The following TRAPPC9 variants were observed in gnomAD, a reference collection of about 807,000 sequenced individuals.
TRAPPC9 encodes trafficking protein particle complex subunit 9.
Under a neutral mutation model 124.0 loss-of-function variants are expected in TRAPPC9, and 83 were observed. The ratio of observed to expected loss-of-function variants is 0.67; its 90% CI spans 0.56 to 0.80. The LOEUF (loss-of-function observed/expected upper bound fraction) is 0.80, where lower values mean the gene tolerates loss of function less well. Ranked by LOEUF, TRAPPC9 falls within the 30% of genes least tolerant of loss-of-function variation. The pLI is 0.00. For missense variants in TRAPPC9, 1,302 were observed against 1,508.3 expected, an observed-to-expected ratio of 0.86 and a Z score of 2.27; for synonymous variants, 638 against 617.5, an observed-to-expected ratio of 1.03 and a Z score of -0.49.
intron 16 of TRAPPC9, among the ~76,000 whole-genome samples, chr8:140,245,096 G>A (rs994724476): frequency 3.3e-5 from 5 of 152,022 alleles, no homozygotes; most frequent in Non-Finnish European, 5.9e-5. Context: ...GAGCCACCGC[G>A]CCTGGCCTCT....
rs1442951948 is a variant in TRAPPC9, at chr8:140,257,797, G to A, written c.2279-4868C>T. Among the ~76,000 whole-genome samples, 1 of 152,070 alleles carries A rather than the reference G, an allele frequency of 6.6e-6. No homozygotes were observed. Among genetic ancestry groups the A allele is most frequent in the Non-Finnish European group, 1.5e-5 (1 of 68,028 alleles). The stretch of plus-strand genomic sequence containing the variant: ...TTGTTCTTAGGCTGGAAGCCCTCCC[G>A]CCATGCCTGCAAACACCTGCACATG... On this transcript the variant is annotated intron_variant, in intron 15 of 22. Coordinates refer to ENST00000438773, the MANE Select transcript of TRAPPC9 (RefSeq NM_001160372.4). The surrounding 1 kb of genome is among the most constrained non-coding windows in gnomAD (Gnocchi z 4.6).
intron 21 of TRAPPC9, among the ~76,000 whole-genome samples, chr8:139,803,068 C>T (rs1823660043): frequency 6.7e-6 from 1 of 150,242 alleles, no homozygotes; most frequent in African/African-American, 2.5e-5. Context: ...CGTCGTGTGA[C>T]TGTGCTGCGT....
chr8:139,930,765 G>A (rs998372727), intron 19 of TRAPPC9, among the ~76,000 whole-genome samples: 1 of 152,118 alleles, frequency 6.6e-6, no homozygotes, highest in South Asian at 2.1e-4. Context: ...TCATTCCACC[G>A]CTGTCTCATA....
intron 17 of TRAPPC9, among the ~76,000 whole-genome samples, chr8:140,034,688 C>T (rs756734659): frequency 9.2e-5 from 14 of 152,256 alleles, no homozygotes; most frequent in Non-Finnish European, 1.3e-4. Flanking sequence ...TCATACTGTG[C>T]TCCAGGCACT....
chr8:139,784,642 TATAA>T (rs1313760806), intron 21 of TRAPPC9, among the ~76,000 whole-genome samples: 3 of 132,138 alleles, frequency 2.3e-5, no homozygotes, highest in African/African-American at 5.7e-5. Flanking sequence ...TATATATATA[TATAA>T]ATCAACTGCA....
intron 21 of TRAPPC9, among the ~76,000 whole-genome samples, chr8:139,746,225 G>A (rs751358903): frequency 2.0e-5 from 3 of 152,236 alleles, no homozygotes; most frequent in Non-Finnish European, 4.4e-5. Context: ...ACTCGACCTC[G>A]AGAAGGTTCT....
chr8:140,023,741 C>T (rs538377412), intron 18 of TRAPPC9, among the ~76,000 whole-genome samples, 196 bp downstream of exon 18: 3 of 152,306 alleles, frequency 2.0e-5, no homozygotes, highest in South Asian at 2.1e-4. Context: ...CATTCACTTA[C>T]GACCACCTGA....
intron 21 of TRAPPC9, among the ~76,000 whole-genome samples, chr8:139,814,182 C>T (rs530716552): frequency 6.6e-5 from 10 of 152,316 alleles, no homozygotes; most frequent in South Asian, 4.1e-4. Flanking sequence ...GCGAGGCAGG[C>T]GGTGGGCGGC....
intron 21 of TRAPPC9, among the ~76,000 whole-genome samples, chr8:139,797,078 G>A (rs1037765588): frequency 3.3e-5 from 5 of 152,108 alleles, no homozygotes; most frequent in Non-Finnish European, 4.4e-5. Context: ...GTCCTTGCCC[G>A]TTTTTAAATT....
In TRAPPC9 at chr8:140,139,955, T is replaced by G. The variant is rs189222250; in HGVS notation, c.2556+81504A>C. Among the ~76,000 whole-genome samples the G allele has an allele frequency of 4.1e-4, 63 of 152,326 alleles. 1 individual carries two copies. Among genetic ancestry groups the G allele is most frequent in the African/African-American group, 1.5e-3 (62 of 41,586 alleles). The stretch of plus-strand genomic sequence containing the variant: ...TTTATGCTTTAATTCAATAAAAAGT[T>G]CATTCTTAAACAAACAGCTACCATT... On this transcript the variant is annotated intron_variant, in intron 17 of 22. Transcript: ENST00000438773.
At chr8:140,178,939 T>C (rs1464562587) in intron 17 of TRAPPC9, among the ~76,000 whole-genome samples, 2 of 152,150 alleles carry the variant, frequency 1.3e-5, no homozygotes, top group Non-Finnish European at 2.9e-5. Context: ...CTAATGTCTG[T>C]AGGAAAGACT....
chr8:139,759,166 A>AAG (rs1170407026), intron 21 of TRAPPC9, among the ~76,000 whole-genome samples: 1 of 152,160 alleles, frequency 6.6e-6, no homozygotes, highest in African/African-American at 2.4e-5. Flanking sequence ...AGGGTCAGAG[A>AAG]AGTTAGCAAC....
intron 17 of TRAPPC9, among the ~76,000 whole-genome samples, chr8:140,100,723 C>T (rs2060563027): frequency 6.6e-6 from 1 of 152,192 alleles, no homozygotes; most frequent in African/African-American, 2.4e-5. Flanking sequence ...ATGAGGGTGG[C>T]CGTGCGTCTG....
At chr8:140,155,159 G>A (rs1242467849) in intron 17 of TRAPPC9, among the ~76,000 whole-genome samples, 3 of 152,184 alleles carry the variant, frequency 2.0e-5, no homozygotes, top group African/African-American at 4.8e-5. Flanking sequence ...GGTTTCATTG[G>A]TAAATACCAT....
chr8:140,291,406 G>T (rs79659334), intron 11 of TRAPPC9, among the ~76,000 whole-genome samples: 3,977 of 152,326 alleles, frequency 0.026, 95 homozygotes, highest in Middle Eastern at 0.071. Context: ...CCAGAAGCTG[G>T]CAACACAGGA....
intron 17 of TRAPPC9, among the ~76,000 whole-genome samples, chr8:140,209,028 C>A (rs1587928801): frequency 6.6e-6 from 1 of 152,320 alleles, no homozygotes; most frequent in East Asian, 1.9e-4. Flanking sequence ...ATTTAAAACG[C>A]TGGCAGTTGG....
chr8:139,976,953 C>A (rs1044022152), intron 19 of TRAPPC9, among the ~76,000 whole-genome samples: 1 of 152,098 alleles, frequency 6.6e-6, no homozygotes, highest in African/African-American at 2.4e-5. Context: ...AGTTTCCAAT[C>A]CTGCAGGGCC....
chr8:139,989,263 C>A (rs1268329226), intron 18 of TRAPPC9, among the ~76,000 whole-genome samples: 1 of 152,208 alleles, frequency 6.6e-6, no homozygotes, highest in Non-Finnish European at 1.5e-5. Flanking sequence ...CTTCAGCTAC[C>A]AGGTTCCACG....
intron 21 of TRAPPC9, among the ~76,000 whole-genome samples, chr8:139,863,541 C>T (rs1325315011): frequency 7.2e-5 from 11 of 152,344 alleles, no homozygotes; most frequent in Middle Eastern, 3.4e-3. Context: ...GCTCGGGACC[C>T]GGGACTTGCG....
Sources: gnomAD v4.1 joint callset for allele counts (sites outside exome capture counted in the v4.1 genomes callset) on GRCh38, gnomAD v4.1.1 for gene constraint, Gnocchi (gnomAD v3.1) non-coding constraint, MANE v1.5 for transcripts, NCBI Gene and HGNC (gene_info 2026-07-23, HGNC 2026-07-21) for gene names.